Variants in PTPRD observed in about 807,000 individuals in gnomAD.
PTPRD encodes the protein protein tyrosine phosphatase receptor type D, also known as receptor-type tyrosine-protein phosphatase delta.
Under a neutral mutation model 214.5 loss-of-function variants are expected in PTPRD, and 34 were observed. The observed-to-expected ratio is 0.16, with a 90% CI of 0.12 to 0.21. The LOEUF (loss-of-function observed/expected upper bound fraction) is 0.21. Among genes scored for constraint, PTPRD ranks in the 10% least tolerant of loss-of-function variants. The pLI, the probability that PTPRD is intolerant of heterozygous loss-of-function variation, is 1.00. For synonymous variants in PTPRD, 1,128 were observed against 845.7 expected, an observed-to-expected ratio of 1.33 and a Z score of -5.79; for missense variants, 2,545 against 2,398.7, an observed-to-expected ratio of 1.06 and a Z score of -1.27.
intron 11 of PTPRD, chr9:8,797,185 G>C (rs2096455130): frequency 6.6e-6 from 1 of 152,054 alleles, no homozygotes; most frequent in Admixed American, 6.6e-5. Flanking sequence ...ATTTTTGCCA[G>C]AAAGCCCCCC....
intron 12 of PTPRD, among the ~76,000 whole-genome samples, chr9:8,728,804 A>AC (rs1188102164): frequency 2.6e-5 from 4 of 151,894 alleles, no homozygotes; most frequent in African/African-American, 9.7e-5. Context: ...ACATGGTGAA[A>AC]CCCCGTATTT....
intron 44 of PTPRD, among the ~76,000 whole-genome samples, chr9:8,327,086 G>C (rs939865566): frequency 2.0e-5 from 3 of 149,698 alleles, no homozygotes; most frequent in African/African-American, 4.9e-5. Flanking sequence ...TTTTGAATTT[G>C]TTTGCTCTTG....
At chr9:9,908,739 T>G (rs1250046869) in intron 5 of PTPRD, among the ~76,000 whole-genome samples, 2 of 152,034 alleles carry the variant, frequency 1.3e-5, no homozygotes, top group East Asian at 3.9e-4. Context: ...ATCAAGTATT[T>G]CAGGAGTGAT....
At chr9:8,780,911 T>A (rs1347660248) in intron 11 of PTPRD, among the ~76,000 whole-genome samples, 1 of 152,220 alleles carries the variant, frequency 6.6e-6, no homozygotes, top group Non-Finnish European at 1.5e-5. Context: ...CTTCTGCACA[T>A]CACAGATTTG....
chr9:9,152,972 T>C (rs1453405250), intron 10 of PTPRD, among the ~76,000 whole-genome samples: 3 of 152,208 alleles, frequency 2.0e-5, no homozygotes, highest in Non-Finnish European at 4.4e-5. Flanking sequence ...TGTGTGTTGT[T>C]CACTAGTAGC....
In PTPRD at chr9:9,770,167, C is replaced by A. The variant is rs1565131869; in HGVS notation, c.-367-3316G>T. On this transcript the variant is annotated intron_variant, in intron 5 of 45. Coordinates refer to ENST00000381196, the MANE Select transcript of PTPRD (RefSeq NM_002839.4). ...TCAAATGGTACTTCTAGTTCTAGAT[C>A]CTTGAGGAATCGCCACACTGTCTTC... Among the ~76,000 whole-genome samples, 2 of 152,114 alleles carry A rather than the reference C, an allele frequency of 1.3e-5. 1 individual carries two copies. Among genetic ancestry groups the A allele is most frequent in the South Asian group, 4.1e-4 (2 of 4,820 alleles).
At chr9:10,474,159 C>G (rs925265358) in intron 2 of PTPRD, among the ~76,000 whole-genome samples, 1 of 152,006 alleles carries the variant, frequency 6.6e-6, no homozygotes, top group Non-Finnish European at 1.5e-5. Flanking sequence ...TGTAAATGGG[C>G]TAAATGCCCA....
At chr9:9,069,146 A>G (rs573698094) in intron 10 of PTPRD, among the ~76,000 whole-genome samples, 3 of 152,338 alleles carry the variant, frequency 2.0e-5, no homozygotes, top group African/African-American at 7.2e-5. Flanking sequence ...AGGTTTCTCA[A>G]GGTGGAACTT....
intron 12 of PTPRD, among the ~76,000 whole-genome samples, chr9:8,672,788 TA>T (rs893239327): frequency 7.9e-6 from 1 of 126,544 alleles, no homozygotes; most frequent in African/African-American, 3.0e-5. Context: ...TGTCCCTAGT[TA>T]GCAAGGAACA....
At chr9:9,155,306 C>G (rs921197419) in intron 10 of PTPRD, among the ~76,000 whole-genome samples, 1 of 151,934 alleles carries the variant, frequency 6.6e-6, no homozygotes, top group African/African-American at 2.4e-5. Flanking sequence ...AATTGGATCT[C>G]AATATTATGA....
intron 14 of PTPRD, among the ~76,000 whole-genome samples, chr9:8,619,167 A>G (rs1392237242): frequency 6.6e-6 from 1 of 151,926 alleles, no homozygotes; most frequent in East Asian, 1.9e-4. Flanking sequence ...GCTCAGTAAC[A>G]TACGCATTAT....
At chr9:9,977,622 G>A (rs1366532731) in intron 4 of PTPRD, among the ~76,000 whole-genome samples, 2 of 151,976 alleles carry the variant, frequency 1.3e-5, no homozygotes, top group Non-Finnish European at 2.9e-5. Flanking sequence ...ATAAGTGAAC[G>A]CAATAAAAAT....
At chr9:8,680,389 GAT>G (rs2097528314) in intron 12 of PTPRD, among the ~76,000 whole-genome samples, 1 of 152,070 alleles carries the variant, frequency 6.6e-6, no homozygotes, top group Admixed American at 6.6e-5. Flanking sequence ...CCACTCCCAG[GAT>G]ATGTTTTCTC....
At chr9:8,725,451 C>A (rs2098547061) in intron 12 of PTPRD, among the ~76,000 whole-genome samples, 2 of 151,910 alleles carry the variant, frequency 1.3e-5, no homozygotes, top group Admixed American at 1.3e-4. Context: ...CATGAATGAG[C>A]CAATCAGTCA....
At chr9:9,832,197 G>T (rs1406425263) in intron 5 of PTPRD, among the ~76,000 whole-genome samples, 1 of 151,956 alleles carries the variant, frequency 6.6e-6, no homozygotes, top group Non-Finnish European at 1.5e-5. Context: ...CACCGTAGTT[G>T]AAAACAAACC....
intron 4 of PTPRD, among the ~76,000 whole-genome samples, chr9:9,945,180 G>A (rs949091459): frequency 6.6e-6 from 1 of 152,100 alleles, no homozygotes; most frequent in African/African-American, 2.4e-5. Context: ...GGGATTATTA[G>A]GAGATCCACG....
chr9:10,022,861 C>A (rs2096850688), intron 4 of PTPRD, among the ~76,000 whole-genome samples: 1 of 152,092 alleles, frequency 6.6e-6, no homozygotes, highest in Non-Finnish European at 1.5e-5. Flanking sequence ...GAGCAGATAG[C>A]CCATTGAATT....
At chr9:10,058,828 A>G (rs1184423350) in intron 3 of PTPRD, among the ~76,000 whole-genome samples, 2 of 152,128 alleles carry the variant, frequency 1.3e-5, no homozygotes, top group East Asian at 3.9e-4. Context: ...GGAGTTATGC[A>G]CCACATTTTA....
chr9:10,479,527 T>C (rs976831), intron 2 of PTPRD, among the ~76,000 whole-genome samples: 130,044 of 151,870 alleles, frequency 0.86, 56,636 homozygotes, highest in Middle Eastern at 0.99. Flanking sequence ...GAATATACTT[T>C]GAAAATGTTG....
Sources: gnomAD v4.1 joint callset for allele counts (sites outside exome capture counted in the v4.1 genomes callset) on GRCh38, gnomAD v4.1.1 for gene constraint, MANE v1.5 for transcripts, NCBI Gene and HGNC (gene_info 2026-07-23, HGNC 2026-07-21) for gene names.